FAM20C: variants seen among roughly 807,000 people sequenced by gnomAD.
FAM20C encodes the protein FAM20C golgi associated secretory pathway kinase, also known as extracellular serine/threonine protein kinase FAM20C.
FAM20C carries 40 observed loss-of-function variants against 51.5 expected under a neutral mutation model. The observed-to-expected ratio is 0.78, with a 90% CI of 0.60 to 1.01. The LOEUF is 1.01. Among genes scored for constraint, FAM20C ranks in the 50% least tolerant of loss-of-function variants. The probability of loss-of-function intolerance (pLI) is 0.00; values close to 1 mark genes in which losing one functional copy is unlikely to be tolerated. For synonymous variants in FAM20C, 406 were observed against 380.6 expected (o/e 1.07, Z -0.78); for missense variants, 861 against 844.7 (o/e 1.02, Z -0.24).
intron 3 of FAM20C, among the ~76,000 whole-genome samples, chr7:245,625 C>G (rs1329501179): frequency 6.6e-6 from 1 of 152,244 alleles, no homozygotes; most frequent in Admixed American, 6.5e-5. Flanking sequence ...CGCTTACACA[C>G]TTATGCTCAG....
intron 3 of FAM20C, among the ~76,000 whole-genome samples, chr7:233,906 G>GAAATCCTTCTAAGGGAAGGGGTTT (rs2115124138): frequency 6.6e-6 from 1 of 152,340 alleles, no homozygotes; most frequent in East Asian, 1.9e-4. Flanking sequence ...AGAGCTGAGG[G>GAAATCCTTCTAAGGGAAGGGGTTT]AAATCCTTCT....
intron 3 of FAM20C, among the ~76,000 whole-genome samples, chr7:235,736 G>A (rs1213744055): frequency 6.6e-6 from 1 of 152,274 alleles, no homozygotes. Flanking sequence ...GGCCTAGGCT[G>A]CATGGAGGGT....
At chr7:259,301 C>T (rs959056618) in intron 9 of FAM20C, among the ~76,000 whole-genome samples, 16 of 152,240 alleles carry the variant, frequency 1.1e-4, no homozygotes, top group African/African-American at 3.9e-4. Context: ...CCGGCCACCA[C>T]ATCCTGCAAG....
rs749129743 is a variant in FAM20C at position 195,602 on chromosome 7, G to A, written c.654G>A (p.Ala218=). ...EGAEFLSPGE[A]AVDSYPNWLK... Reference sequence around the variant, plus strand: ...CAGAATTCCTCTCCCCCGGGGAGGCGGCCGTGGACTCCTATCCCAACTGGC... The same window carrying A: ...CAGAATTCCTCTCCCCCGGGGAGGCAGCCGTGGACTCCTATCCCAACTGGC... The change falls in exon 2 of 10, where the codon GCG becomes GCA. Residue 218 remains alanine (A), a synonymous_variant. Coordinates refer to ENST00000313766, the MANE Select transcript of FAM20C (RefSeq NM_020223.4). 6.3e-5 allele frequency: 101 copies of A among 1,602,722 alleles called. No homozygotes were observed. The highest frequency in any genetic ancestry group is 5.7e-4 in the East Asian group (25 of 44,020).
At chr7:223,645 C>T (rs1040178427) in intron 3 of FAM20C, among the ~76,000 whole-genome samples, 1 of 152,182 alleles carries the variant, frequency 6.6e-6, no homozygotes, top group Non-Finnish European at 1.5e-5. Flanking sequence ...GGGACGGCAC[C>T]TGGTGCCTGC....
chr7:229,495 A>T (rs1583316291), intron 3 of FAM20C: 1 of 157,838 alleles, frequency 6.3e-6, no homozygotes, highest in Non-Finnish European at 1.4e-5. Flanking sequence ...GTGGCTGGAG[A>T]GCTCGCCGTC....
At chr7:255,284 G>A (rs1189704695) in intron 5 of FAM20C, among the ~76,000 whole-genome samples, 2 of 152,200 alleles carry the variant, frequency 1.3e-5, no homozygotes, top group Non-Finnish European at 2.9e-5. Context: ...GCAGACAGGA[G>A]ATGGTGCCTC....
chr7:260,051 G>C lies in FAM20C; in HGVS notation c.*71G>C. ...GACCTCCCAGCAAGCGCATGCGCCC[G>C]TCGTGAATTCAGTGAATTCAGAGGC... On this transcript the variant is annotated 3_prime_UTR_variant, in exon 10 of 10. Coordinates refer to ENST00000313766, the MANE Select transcript of FAM20C (RefSeq NM_020223.4). 7.0e-7 allele frequency: 1 copy of C among 1,429,564 alleles called. No homozygotes were observed. The highest frequency in any genetic ancestry group is 9.2e-7 in the Non-Finnish European group (1 of 1,090,700). The allele number at this position is 1,429,564 out of a possible 1,614,324, so 88.6% of individuals were successfully genotyped here. A position where few individuals can be genotyped will look rare whatever the true frequency, so the allele number is the denominator to read the frequency against.
intron 3 of FAM20C, chr7:228,242 C>G (rs553033897): frequency 3.0e-6 from 1 of 337,568 alleles, no homozygotes; most frequent in Non-Finnish European, 5.9e-6. Flanking sequence ...AAAGATAGGT[C>G]AGTAGGCGAC....
In FAM20C at chr7:206,795, TGTCC is replaced by T. The variant is rs1786425247; in HGVS notation, c.785-2102_785-2099del. Among the ~76,000 whole-genome samples the T allele has an allele frequency of 2.1e-5, 3 of 140,926 alleles. 1 individual carries two copies. The East Asian group carries it at 6.5e-4, about 30-fold the overall frequency. 92.5% of individuals were successfully genotyped at this position (140,926 alleles called of 152,430 possible). A position where few individuals can be genotyped will look rare whatever the true frequency, so the allele number is the denominator to read the frequency against. ...CACGGTCCCCTCGGCCCCGCACACG[TGTCC>T]ACTGTGACGCGTCGGTCACTGTCCC... is the stretch of plus-strand genomic sequence containing the variant. On this transcript the variant is annotated intron_variant, in intron 2 of 9. Transcript: ENST00000313766.
chr7:213,189 C>G (rs28714544), intron 3 of FAM20C, among the ~76,000 whole-genome samples: 12,930 of 77,552 alleles, frequency 0.17, 787 homozygotes, highest in African/African-American at 0.27. Flanking sequence ...GTGACATGGA[C>G]GGCTGTGGAG....
At chr7:228,616 GC>G in intron 3 of FAM20C, 1 of 456,284 alleles carries the variant, frequency 2.2e-6, no homozygotes, top group South Asian at 1.5e-5. Flanking sequence ...GCCGGTGTGA[GC>G]CAGGGGAATG....
At chr7:228,940 G>A in intron 3 of FAM20C, 2 of 399,734 alleles carry the variant, frequency 5.0e-6, no homozygotes, top group Middle Eastern at 3.6e-4. Context: ...CGCCCACCAG[G>A]CATCTTGTTC....
chr7:231,995 C>T (rs1787708900), intron 3 of FAM20C, among the ~76,000 whole-genome samples: 1 of 152,212 alleles, frequency 6.6e-6, no homozygotes, highest in Non-Finnish European at 1.5e-5. Flanking sequence ...TTGGTCTCTG[C>T]CGCCGACCCG....
chr7:233,723 A>G (rs1431948342), intron 3 of FAM20C, among the ~76,000 whole-genome samples: 6 of 152,140 alleles, frequency 3.9e-5, no homozygotes, highest in African/African-American at 1.4e-4. Context: ...TCACATCTGC[A>G]CTGTGCCTCC....
Position 260,242 on chromosome 7 carries a change from T to C in FAM20C, c.*262T>C, listed in dbSNP as rs995136258. The C allele has an allele frequency of 2.3e-6, 1 of 430,902 alleles. No homozygotes were observed. The highest frequency in any genetic ancestry group is 4.1e-6 in the Non-Finnish European group (1 of 243,966). The allele number at this position is 430,902 out of a possible 1,614,324, so 26.7% of individuals were successfully genotyped here. A position where few individuals can be genotyped will look rare whatever the true frequency, so the allele number is the denominator to read the frequency against. On this transcript the variant is annotated 3_prime_UTR_variant, in exon 10 of 10. Transcript: ENST00000313766. ...CGCCGGAGGCATTCCATCCTTTCTG[T>C]AGGGAAAGGAGCCTTTATTTACTAT...
chr7:206,528 C>G (rs531653379), intron 2 of FAM20C, among the ~76,000 whole-genome samples: 3 of 150,376 alleles, frequency 2.0e-5, no homozygotes, highest in Non-Finnish European at 3.0e-5. Flanking sequence ...TCATGGTCCC[C>G]TCGGCCCTGC....
chr7:193,982 C>G (rs1272349091), intron 1 of FAM20C, 178 bp downstream of exon 1: 12 of 1,029,354 alleles, frequency 1.2e-5, no homozygotes, highest in Non-Finnish European at 1.6e-5. Flanking sequence ...GAATAACCTC[C>G]TCCTTGGGAG....
chr7:216,672 AGTGTGTGTGAGAGT>A (rs1786990879), intron 3 of FAM20C, among the ~76,000 whole-genome samples: 5 of 104,786 alleles, frequency 4.8e-5, no homozygotes, highest in Admixed American at 2.1e-4. Flanking sequence ...TGAGAGACAG[AGTGTGTGTGAGAGT>A]GTGTGTGTGT....
Sources: allele counts gnomAD v4.1 joint callset (sites outside exome capture counted in the v4.1 genomes callset), GRCh38; gene constraint gnomAD v4.1.1; transcripts MANE v1.5; gene names NCBI Gene and HGNC (gene_info 2026-07-23, HGNC 2026-07-21).